Variants in HIVEP2 observed in about 807,000 individuals in gnomAD.
HIVEP2 encodes transcription factor HIVEP2.
In HIVEP2, 14 loss-of-function variants were observed where a neutral mutation model predicts 180.7. The ratio of observed to expected loss-of-function variants is 0.08; its 90% CI spans 0.05 to 0.12. The LOEUF (loss-of-function observed/expected upper bound fraction) is 0.12. Ranked by LOEUF, HIVEP2 falls within the 10% of genes least tolerant of loss-of-function variation. The pLI is 1.00. For missense variants in HIVEP2, 2,579 were observed against 3,008.5 expected, an observed-to-expected ratio of 0.86 and a Z score of 3.34; for synonymous variants, 1,184 against 1,136.4, an observed-to-expected ratio of 1.04 and a Z score of -0.84.
At chr6:142,756,519 C>T (rs980489015) in intron 9 of HIVEP2, among the ~76,000 whole-genome samples, 7 of 152,158 alleles carry the variant, frequency 4.6e-5, no homozygotes, top group African/African-American at 1.7e-4. Context: ...GGTTAAGTGA[C>T]TCGCCCAAGA....
chr6:142,858,340 C>A, intron 1 of HIVEP2, among the ~76,000 whole-genome samples: 1 of 152,068 alleles, frequency 6.6e-6, no homozygotes, highest in African/African-American at 2.4e-5. Flanking sequence ...TCCCCCCTCT[C>A]CCCTACCTAA....
chr6:142,787,257 A>G (rs910006062), intron 2 of HIVEP2, among the ~76,000 whole-genome samples: 17 of 152,184 alleles, frequency 1.1e-4, no homozygotes, highest in Non-Finnish European at 2.2e-4. Flanking sequence ...AAAATAAATA[A>G]ATAAATAAAT....
At position 142,760,292 on chromosome 6, in the gene HIVEP2, T is replaced by C. The variant is rs1775192593; in HGVS notation, c.5996A>G (p.Gln1999Arg). ...CGTACTTTTGCTCTGGAATAGCCTC[T>C]GGTATTCTGTCATCTGGGTATCTTC... is the stretch of plus-strand genomic sequence containing the variant. ...SCEDTQMTEYQRLFQSKSTDS... is the reference protein window; with the variant it reads ...SCEDTQMTEYRRLFQSKSTDS... The change falls in exon 9 of 10, where the codon CAG (glutamine) becomes CGG (arginine). Residue 1999 changes from glutamine (Q) to arginine (R), a missense_variant. This residue lies in a region of HIVEP2 where 660 missense variants were observed against 731.7 expected (regional missense o/e 0.90). Transcript: ENST00000367603. 2.5e-6 allele frequency: 4 copies of C among 1,614,150 alleles called. No individual in the cohort carries two copies. In the East Asian group the frequency reaches 8.9e-5, roughly 36 times the overall value.
chr6:142,799,676 A>G (rs978832333), intron 2 of HIVEP2, among the ~76,000 whole-genome samples: 5 of 152,194 alleles, frequency 3.3e-5, no homozygotes, highest in Non-Finnish European at 7.4e-5. Context: ...AGTCCCAAAC[A>G]TCAGAGTTGT....
Position 142,774,258 on chromosome 6 carries a change from C to G in HIVEP2, c.481G>C (p.Ala161Pro), listed in dbSNP as rs1279098282. 9.3e-6 allele frequency: 15 copies of G among 1,614,022 alleles called. No homozygotes were observed. Among genetic ancestry groups the G allele is most frequent in the African/African-American group, 1.3e-5 (1 of 74,928 alleles). Reference protein sequence around the residue: ...PRKKISSLNPAYSQYSQKSIE... With the variant: ...PRKKISSLNPPYSQYSQKSIE... ...CTTTTCTGGGAGTATTGGCTATAAG[C>G]AGGGTTCAGACTTGAAATCTTTTTT... is the stretch of plus-strand genomic sequence containing the variant. Residue 161 changes from alanine (A) to proline (P), a missense_variant, in exon 5 of 10, where the codon GCT becomes CCT. Coordinates refer to ENST00000367603, the MANE Select transcript of HIVEP2 (RefSeq NM_006734.4). The surrounding 1 kb of genome is among the most constrained non-coding windows in gnomAD (Gnocchi z 5.1).
chr6:142,805,673 C>T (rs948595209), intron 2 of HIVEP2, among the ~76,000 whole-genome samples: 7 of 152,080 alleles, frequency 4.6e-5, no homozygotes, highest in African/African-American at 1.7e-4. Context: ...TGTCTCCTGA[C>T]CTAGCTCTAC....
intron 1 of HIVEP2, among the ~76,000 whole-genome samples, chr6:142,868,294 G>T (rs954652321): frequency 6.6e-6 from 1 of 152,074 alleles, no homozygotes; most frequent in Non-Finnish European, 1.5e-5. Flanking sequence ...TCCTTTTACC[G>T]TACAGTAAAT....
In HIVEP2 at chr6:142,869,261, T is replaced by C. The variant is rs116290596; in HGVS notation, c.-640-32214A>G. Among the ~76,000 whole-genome samples, 447 of 152,308 alleles carry C rather than the reference T, an allele frequency of 2.9e-3. 2 individuals carry two copies. Among genetic ancestry groups the C allele is most frequent in the African/African-American group, 8.8e-3 (366 of 41,566 alleles). On this transcript the variant is annotated intron_variant, in intron 1 of 9. Transcript: ENST00000367603. ...GCTTTAAAAAATAAATTACTGATAGTATGTCATGCTTTCTTCTAGCTACCT... is the reference window on the plus strand; with the variant it reads ...GCTTTAAAAAATAAATTACTGATAGCATGTCATGCTTTCTTCTAGCTACCT...
intron 1 of HIVEP2, among the ~76,000 whole-genome samples, chr6:142,871,224 C>T (rs141461395): frequency 7.9e-4 from 120 of 152,244 alleles, no homozygotes; most frequent in Middle Eastern, 3.4e-3. Context: ...CATGCTTATT[C>T]ATAACACTTC....
At chr6:142,768,608 C>T in intron 5 of HIVEP2, 72 bp from the exon 6 acceptor site, 1 of 1,472,066 alleles carries the variant, frequency 6.8e-7, no homozygotes, top group South Asian at 1.2e-5. Context: ...TCCCACTCTT[C>T]CATCATCTCT....
At chr6:142,789,637 A>T (rs1776090207) in intron 2 of HIVEP2, among the ~76,000 whole-genome samples, 1 of 152,216 alleles carries the variant, frequency 6.6e-6, no homozygotes, top group South Asian at 2.1e-4. Context: ...GCTCATTATG[A>T]TAGTTCTGGT....
At chr6:142,831,127 G>A (rs1775068854) in intron 2 of HIVEP2, among the ~76,000 whole-genome samples, 1 of 152,216 alleles carries the variant, frequency 6.6e-6, no homozygotes, top group South Asian at 2.1e-4. Flanking sequence ...AACCGTGGAA[G>A]GGTCGAGGGT....
chr6:142,858,599 A>T (rs1197483788), intron 1 of HIVEP2, among the ~76,000 whole-genome samples: 1 of 151,186 alleles, frequency 6.6e-6, no homozygotes, highest in Non-Finnish European at 1.5e-5. Context: ...AATTAAATAA[A>T]TTTTTTTTTG....
chr6:142,862,074 A>G (rs1775991973), intron 1 of HIVEP2, among the ~76,000 whole-genome samples: 1 of 152,202 alleles, frequency 6.6e-6, no homozygotes, highest in African/African-American at 2.4e-5. Context: ...ACATCAGCCC[A>G]GCAGTTTGTT....
At chr6:142,844,293 CT>C (rs1554217005) in intron 1 of HIVEP2, among the ~76,000 whole-genome samples, 2,656 of 147,104 alleles carry the variant, frequency 0.018, 87 homozygotes, top group African/African-American at 0.061. Flanking sequence ...AATCTCTAAA[CT>C]TTTTTTTTTT....
chr6:142,858,939 A>G (rs551258202), intron 1 of HIVEP2, among the ~76,000 whole-genome samples: 2 of 152,050 alleles, frequency 1.3e-5, no homozygotes, highest in Non-Finnish European at 2.9e-5. Flanking sequence ...ACCCTCATTT[A>G]CTATACTGCA....
chr6:142,938,021 T>C (rs1191188989), intron 1 of HIVEP2, among the ~76,000 whole-genome samples: 3 of 152,236 alleles, frequency 2.0e-5, no homozygotes, highest in African/African-American at 7.2e-5. Context: ...TTACAGAATA[T>C]AATGACATTG....
chr6:142,907,096 A>C (rs1158907363), intron 1 of HIVEP2, among the ~76,000 whole-genome samples: 1 of 152,234 alleles, frequency 6.6e-6, no homozygotes, highest in Non-Finnish European at 1.5e-5. Context: ...ACATGAAATG[A>C]AACTGTGAAT....
Position 142,760,663 on chromosome 6 carries a change from A to G in HIVEP2, c.5625T>C (p.Asn1875=). The G allele has an allele frequency of 1.3e-6, 2 of 1,587,556 alleles. No individual in the cohort carries two copies. Among genetic ancestry groups the G allele is most frequent in the Non-Finnish European group, 1.7e-6 (2 of 1,167,620 alleles). The change falls in exon 9 of 10, where the codon AAT becomes AAC. Residue 1875 remains asparagine (N), a synonymous_variant. Transcript: ENST00000367603. ...CTGCTGCTTTGTGCAAATCTTCCAA[A>G]TTTTCTGAAACAATTAAACAAAGAT... The part of the protein sequence containing the change: ...VDDTETEEAE[N]LEDLHKAAEK...
Sources: allele counts gnomAD v4.1 joint callset (sites outside exome capture counted in the v4.1 genomes callset), GRCh38; gene constraint gnomAD v4.1.1; regional missense constraint gnomAD v4.1.1; non-coding constraint Gnocchi (gnomAD v3.1); transcripts MANE v1.5; gene names NCBI Gene and HGNC (gene_info 2026-07-23, HGNC 2026-07-21).